Variants in DCLK1 observed in about 807,000 individuals in gnomAD.
The protein encoded by DCLK1 is serine/threonine-protein kinase DCLK1.
DCLK1 carries 16 observed loss-of-function variants against 86.2 expected under a neutral mutation model. That is an observed-to-expected ratio of 0.19 (90% CI 0.13 to 0.28). The LOEUF is 0.28. Among genes scored for constraint, DCLK1 ranks in the 10% least tolerant of loss-of-function variants. The pLI, the probability that DCLK1 is intolerant of heterozygous loss-of-function variation, is 1.00. For synonymous variants in DCLK1, 369 were observed against 370.5 expected (o/e 1.00, Z 0.05); for missense variants, 590 against 940.2 (o/e 0.63, Z 4.87).
chr13:35,946,138 G>C (rs1877371296), intron 4 of DCLK1, among the ~76,000 whole-genome samples: 1 of 152,072 alleles, frequency 6.6e-6, no homozygotes, highest in Non-Finnish European at 1.5e-5. Context: ...TCAGCCTCCT[G>C]AACAGCTAGG....
chr13:35,814,063 G>C (rs1437175135), intron 11 of DCLK1, among the ~76,000 whole-genome samples: 1 of 152,046 alleles, frequency 6.6e-6, no homozygotes, highest in African/African-American at 2.4e-5. Flanking sequence ...TCCAGTGGGA[G>C]AGCCCTTCCC....
chr13:36,007,037 G>C (rs1311013013), intron 3 of DCLK1, among the ~76,000 whole-genome samples: 1 of 152,146 alleles, frequency 6.6e-6, no homozygotes, highest in African/African-American at 2.4e-5. Flanking sequence ...AAGAAATCAA[G>C]ATCTTACCAC....
intron 3 of DCLK1, among the ~76,000 whole-genome samples, chr13:36,013,969 C>T (rs969908835): frequency 1.3e-5 from 2 of 151,918 alleles, no homozygotes; most frequent in East Asian, 1.9e-4. Flanking sequence ...GCACAATATT[C>T]GCCAGGTGCG....
chr13:35,972,352 C>T (rs1304227186), intron 3 of DCLK1, among the ~76,000 whole-genome samples: 1 of 152,086 alleles, frequency 6.6e-6, no homozygotes, highest in Middle Eastern at 3.2e-3. Context: ...AATCCTCCTG[C>T]CTCAGCCTTG....
chr13:35,908,749 C>T (rs1260619750), intron 4 of DCLK1, among the ~76,000 whole-genome samples: 2 of 152,152 alleles, frequency 1.3e-5, no homozygotes, highest in Non-Finnish European at 2.9e-5. Context: ...GATTCTCCTG[C>T]CTCAGCCTCC....
At chr13:36,076,855 CA>C (rs1884232262) in intron 3 of DCLK1, among the ~76,000 whole-genome samples, 1 of 152,020 alleles carries the variant, frequency 6.6e-6, no homozygotes, top group Non-Finnish European at 1.5e-5. Context: ...ACATTCTGTC[CA>C]AAAAAGAATA....
At chr13:36,015,000 C>G (rs1033799018) in intron 3 of DCLK1, among the ~76,000 whole-genome samples, 2 of 31,356 alleles carry the variant, frequency 6.4e-5, no homozygotes, top group Non-Finnish European at 1.1e-4. Context: ...CTCTCTCTCT[C>G]TCTTTCTCTC....
At chr13:35,926,254 C>T (rs753823638) in intron 4 of DCLK1, among the ~76,000 whole-genome samples, 7 of 119,598 alleles carry the variant, frequency 5.9e-5, no homozygotes, top group African/African-American at 9.0e-5. Flanking sequence ...AGATGGGTTT[C>T]GCCATGTTGG....
chr13:36,033,981 A>C (rs1199017141), intron 3 of DCLK1, among the ~76,000 whole-genome samples: 1 of 152,192 alleles, frequency 6.6e-6, no homozygotes, highest in Non-Finnish European at 1.5e-5. Context: ...CTGGAAAATA[A>C]TATAAGCTTG....
intron 3 of DCLK1, among the ~76,000 whole-genome samples, chr13:36,001,061 G>T (rs138747741): frequency 6.6e-6 from 1 of 151,502 alleles, no homozygotes; most frequent in African/African-American, 2.4e-5. Context: ...CAATTCTCCT[G>T]CCTTAGCCTC....
At position 36,112,525 on chromosome 13, in the gene DCLK1, A is replaced by G. The variant is rs148219380; in HGVS notation, c.377-310T>C. 7.2e-5 allele frequency among the ~76,000 whole-genome samples: 11 copies of G among 152,346 alleles called. No homozygotes were observed. In the East Asian group the frequency reaches 2.1e-3, roughly 29 times the overall value. On this transcript the variant is annotated intron_variant, in intron 2 of 16. Transcript: ENST00000360631. ...AGAGAAGTGTGAAAGTGAATTTAAA[A>G]TAGAAAATATTCTTTGGGAATTAGA...
intron 6 of DCLK1, chr13:35,848,610 T>C (rs1203451676): frequency 4.1e-6 from 4 of 985,228 alleles, no homozygotes; most frequent in African/African-American, 1.7e-5. Flanking sequence ...ATGGGCTCTA[T>C]ATCAATTGGC....
chr13:35,896,046 A>T lies in DCLK1; in HGVS notation c.824-24706T>A, dbSNP rs117560227. Among the ~76,000 whole-genome samples, 168 of 152,266 alleles carry T rather than the reference A, an allele frequency of 1.1e-3. 5 individuals carry two copies. The East Asian group carries it at 0.03, about 27-fold the overall frequency. On this transcript the variant is annotated intron_variant, in intron 4 of 16. Transcript: ENST00000360631. ...TACAAGTAAGGCGCTTTGTTTTGAC[A>T]TCATTATTCAGGAAAACTTCAAGGA...
chr13:36,077,380 C>A (rs943335903), intron 3 of DCLK1, among the ~76,000 whole-genome samples: 3 of 152,116 alleles, frequency 2.0e-5, no homozygotes, highest in Non-Finnish European at 4.4e-5. Context: ...TACTTGCCCC[C>A]CTTCTAGATG....
chr13:36,037,497 G>GTTTTGTTTTA (rs1170333821), intron 3 of DCLK1, among the ~76,000 whole-genome samples: 7 of 151,694 alleles, frequency 4.6e-5, no homozygotes, highest in African/African-American at 1.7e-4. Flanking sequence ...GTTTTGTTTT[G>GTTTTGTTTTA]TTTTGAGATG....
intron 4 of DCLK1, among the ~76,000 whole-genome samples, chr13:35,878,276 A>C (rs1050348150): frequency 6.6e-6 from 1 of 152,214 alleles, no homozygotes; most frequent in Non-Finnish European, 1.5e-5. Flanking sequence ...ATTACAGGAA[A>C]ATCCACATGT....
At chr13:35,837,719 A>AT (rs930790054) in intron 7 of DCLK1, among the ~76,000 whole-genome samples, 5 of 151,650 alleles carry the variant, frequency 3.3e-5, no homozygotes, top group Non-Finnish European at 7.4e-5. Context: ...GTGGCTTGGG[A>AT]TTTTTTTTCC....
intron 4 of DCLK1, among the ~76,000 whole-genome samples, chr13:35,921,666 G>C (rs1418985): frequency 0.79 from 120,554 of 152,164 alleles, 48,125 homozygotes; most frequent in Middle Eastern, 0.86. Flanking sequence ...AGAAAGGTGT[G>C]TGGCCAAAGT....
intron 6 of DCLK1, chr13:35,846,722 A>G (rs1870201376): frequency 1.0e-6 from 1 of 985,248 alleles, no homozygotes; most frequent in Admixed American, 6.1e-5. Flanking sequence ...AGTTGTCACT[A>G]ACATGCACAA....
Sources: allele counts gnomAD v4.1 joint callset (sites outside exome capture counted in the v4.1 genomes callset), GRCh38; gene constraint gnomAD v4.1.1; transcripts MANE v1.5; gene names NCBI Gene and HGNC (gene_info 2026-07-23, HGNC 2026-07-21).